ADAMTSL3: variants seen among roughly 807,000 people sequenced by gnomAD.
ADAMTSL3 encodes the protein ADAMTS like 3.
In ADAMTSL3, 128 loss-of-function variants were observed where a neutral mutation model predicts 201.7. That is an observed-to-expected ratio of 0.63 (90% CI 0.55 to 0.73). ADAMTSL3 has a LOEUF of 0.73. Ranked by LOEUF, ADAMTSL3 falls within the 30% of genes least tolerant of loss-of-function variation. The pLI, the probability that ADAMTSL3 is intolerant of heterozygous loss-of-function variation, is 0.00. For synonymous variants in ADAMTSL3, 738 were observed against 748.4 expected, an observed-to-expected ratio of 0.99 and a Z score of 0.23; for missense variants, 1,990 against 2,119.6, an observed-to-expected ratio of 0.94 and a Z score of 1.20.
At chr15:84,024,771 T>C (rs1385329241) in intron 26 of ADAMTSL3, among the ~76,000 whole-genome samples, 1 of 152,208 alleles carries the variant, frequency 6.6e-6, no homozygotes, top group Non-Finnish European at 1.5e-5. Flanking sequence ...AGCTAAGTTA[T>C]TCAGTTCAGT....
intron 19 of ADAMTSL3, among the ~76,000 whole-genome samples, chr15:83,951,413 A>G (rs982040835): frequency 1.3e-5 from 2 of 152,086 alleles, no homozygotes; most frequent in East Asian, 1.9e-4. Flanking sequence ...TGAAATCACT[A>G]TGCTGATATT....
intron 3 of ADAMTSL3, among the ~76,000 whole-genome samples, chr15:83,706,746 G>C (rs1315083982): frequency 2.6e-5 from 4 of 151,810 alleles, no homozygotes; most frequent in East Asian, 3.9e-4. Flanking sequence ...CCCACACTTA[G>C]GTGATCCTCC....
chr15:83,718,642 G>A (rs1446186440), intron 3 of ADAMTSL3, among the ~76,000 whole-genome samples: 2 of 147,584 alleles, frequency 1.4e-5, no homozygotes, highest in Non-Finnish European at 3.0e-5. Context: ...CGCGAGCTGA[G>A]ATCCTGCCAC....
chr15:83,658,213 A>G (rs1420801791), intron 2 of ADAMTSL3, among the ~76,000 whole-genome samples: 1 of 152,186 alleles, frequency 6.6e-6, no homozygotes, highest in African/African-American at 2.4e-5. Flanking sequence ...GGGTTCAAGC[A>G]ATTCTCGTGT....
chr15:83,975,344 A>G (rs1019747295), intron 20 of ADAMTSL3, among the ~76,000 whole-genome samples: 7 of 151,918 alleles, frequency 4.6e-5, no homozygotes, highest in African/African-American at 1.7e-4. Flanking sequence ...CACCTCTTGG[A>G]CTTTACCATT....
At chr15:84,015,240 G>A (rs1045606848) in intron 24 of ADAMTSL3, among the ~76,000 whole-genome samples, 2 of 152,102 alleles carry the variant, frequency 1.3e-5, no homozygotes, top group Non-Finnish European at 2.9e-5. Context: ...CACTGCGCCC[G>A]GTCAGATGTT....
At chr15:83,697,064 G>A (rs2061696716) in intron 2 of ADAMTSL3, among the ~76,000 whole-genome samples, 1 of 152,124 alleles carries the variant, frequency 6.6e-6, no homozygotes, top group African/African-American at 2.4e-5. Flanking sequence ...CTCACACCAG[G>A]TTAGGAGAAG....
chr15:83,692,559 A>G (rs1184628041), intron 2 of ADAMTSL3, among the ~76,000 whole-genome samples: 1 of 151,630 alleles, frequency 6.6e-6, no homozygotes, highest in Admixed American at 6.6e-5. Context: ...GGCGGCGGGC[A>G]CCTGTAGCCC....
At chr15:83,660,301 C>G (rs1430449775) in intron 2 of ADAMTSL3, among the ~76,000 whole-genome samples, 1 of 152,174 alleles carries the variant, frequency 6.6e-6, no homozygotes, top group Non-Finnish European at 1.5e-5. Context: ...CCCCAGTTAC[C>G]CCTGCTATTG....
intron 7 of ADAMTSL3, among the ~76,000 whole-genome samples, chr15:83,843,737 C>T (rs2064432904): frequency 6.6e-6 from 1 of 152,100 alleles, no homozygotes; most frequent in East Asian, 1.9e-4. Context: ...TTGGCACAGC[C>T]CTGCACTGGA....
chr15:83,663,870 G>C (rs756538306), intron 2 of ADAMTSL3, among the ~76,000 whole-genome samples: 1 of 152,222 alleles, frequency 6.6e-6, no homozygotes, highest in Non-Finnish European at 1.5e-5. Context: ...CTCTCTCCTT[G>C]TGTGTTGCCT....
At chr15:83,833,781 A>G (rs1171513168) in intron 6 of ADAMTSL3, among the ~76,000 whole-genome samples, 1 of 152,188 alleles carries the variant, frequency 6.6e-6, no homozygotes, top group Non-Finnish European at 1.5e-5. Context: ...CCAGAGAGAA[A>G]CTGCCCAGAT....
chr15:83,898,114 T>C (rs1487342689), intron 14 of ADAMTSL3, 109 bp downstream of exon 14: 3 of 1,290,964 alleles, frequency 2.3e-6, no homozygotes, highest in Non-Finnish European at 1.1e-6. Context: ...AAAATTGTTT[T>C]ATTGACAGAT....
chr15:84,004,400 A>C (rs2067854191), intron 23 of ADAMTSL3, among the ~76,000 whole-genome samples: 1 of 152,166 alleles, frequency 6.6e-6, no homozygotes, highest in African/African-American at 2.4e-5. Context: ...AATGGGGCCA[A>C]AGAGGTCCCT....
intron 21 of ADAMTSL3, 34 bp downstream of exon 21, chr15:83,983,378 C>T (rs1230092390): frequency 1.0e-5 from 14 of 1,344,194 alleles, no homozygotes; most frequent in South Asian, 3.5e-5. Context: ...TTCATTTTTG[C>T]ACTACCTTCT....
intron 4 of ADAMTSL3, among the ~76,000 whole-genome samples, chr15:83,796,656 G>C (rs1456726452): frequency 6.6e-6 from 1 of 152,266 alleles, no homozygotes; most frequent in South Asian, 2.1e-4. Flanking sequence ...AACAAAATAG[G>C]GGACTTGCCT....
intron 4 of ADAMTSL3, among the ~76,000 whole-genome samples, chr15:83,798,834 A>G (rs1048226374): frequency 1.3e-5 from 2 of 151,180 alleles, no homozygotes; most frequent in Non-Finnish European, 3.0e-5. Context: ...ACAAAAAAAA[A>G]GGACAATAAC....
At chr15:83,656,633 A>G (rs1446300819) in intron 2 of ADAMTSL3, among the ~76,000 whole-genome samples, 1 of 152,190 alleles carries the variant, frequency 6.6e-6, no homozygotes, top group African/African-American at 2.4e-5. Flanking sequence ...GCAGCCCCAG[A>G]TCTAAAGGCA....
At chr15:83,914,239 CTG>C (rs1398919343) in intron 16 of ADAMTSL3, among the ~76,000 whole-genome samples, 1 of 152,102 alleles carries the variant, frequency 6.6e-6, no homozygotes, top group East Asian at 1.9e-4. Context: ...CAAGGAGATG[CTG>C]TCTTAGAGCT....
Sources: gnomAD v4.1 joint callset for allele counts (sites outside exome capture counted in the v4.1 genomes callset) on GRCh38, gnomAD v4.1.1 for gene constraint, MANE v1.5 for transcripts, NCBI Gene and HGNC (gene_info 2026-07-23, HGNC 2026-07-21) for gene names.